The following CSGALNACT1 variants were observed in gnomAD, a reference collection of about 807,000 sequenced individuals.
CSGALNACT1 encodes the protein chondroitin sulfate N-acetylgalactosaminyltransferase 1.
CSGALNACT1 carries 52 observed loss-of-function variants against 51.0 expected under a neutral mutation model. That is an observed-to-expected ratio of 1.02 (90% CI 0.82 to 1.29). CSGALNACT1 has a LOEUF of 1.29. CSGALNACT1 is among the 50% of genes most tolerant of loss of function. CSGALNACT1 has a pLI of 0.00. For missense variants in CSGALNACT1, 935 were observed against 679.2 expected, an observed-to-expected ratio of 1.38 and a Z score of -4.19; for synonymous variants, 341 against 254.4, an observed-to-expected ratio of 1.34 and a Z score of -3.24.
At chr8:19,717,462 T>C (rs746582999) in intron 1 of CSGALNACT1, among the ~76,000 whole-genome samples, 2 of 152,138 alleles carry the variant, frequency 1.3e-5, no homozygotes, top group Non-Finnish European at 2.9e-5. Context: ...AGCAGTGAAT[T>C]CACCACCAAG....
At chr8:19,590,658 T>G (rs2047613807) in intron 3 of CSGALNACT1, among the ~76,000 whole-genome samples, 1 of 140,618 alleles carries the variant, frequency 7.1e-6, no homozygotes, top group South Asian at 2.3e-4. Context: ...TTTTTTTTTT[T>G]TTTTTTTTGG....
intron 1 of CSGALNACT1, among the ~76,000 whole-genome samples, chr8:19,639,351 G>C (rs1370716218): frequency 3.3e-5 from 5 of 152,156 alleles, no homozygotes; most frequent in Non-Finnish European, 7.4e-5. Flanking sequence ...GCTAGCTATT[G>C]TTGTTTTTGG....
chr8:19,524,248 C>G (rs2081253329), intron 3 of CSGALNACT1, among the ~76,000 whole-genome samples: 1 of 152,144 alleles, frequency 6.6e-6, no homozygotes, highest in Non-Finnish European at 1.5e-5. Flanking sequence ...ATCACACCAT[C>G]TCACCCCAGC....
intron 1 of CSGALNACT1, among the ~76,000 whole-genome samples, chr8:19,639,117 C>T (rs1054074553): frequency 6.6e-6 from 1 of 152,114 alleles, no homozygotes; most frequent in Non-Finnish European, 1.5e-5. Context: ...CCTAGCCCCT[C>T]TAAAAGTACA....
At chr8:19,404,417 G>A in exon 10 of CSGALNACT1, 1 of 453,284 alleles carries the variant, frequency 2.2e-6, no homozygotes, top group Non-Finnish European at 4.4e-6. Flanking sequence ...ACCACTCTAT[G>A]TTAACTGTAT....
At chr8:19,666,873 G>C (rs1221565536) in intron 1 of CSGALNACT1, among the ~76,000 whole-genome samples, 1 of 130,908 alleles carries the variant, frequency 7.6e-6, no homozygotes, top group East Asian at 2.1e-4. Flanking sequence ...AAGAAAGAAA[G>C]AAAGAAAGAA....
intron 1 of CSGALNACT1, among the ~76,000 whole-genome samples, chr8:19,647,186 T>G (rs188415789): frequency 1.3e-5 from 2 of 152,200 alleles, no homozygotes; most frequent in South Asian, 2.1e-4. Flanking sequence ...CTTCTCACCC[T>G]GACCAGGTGC....
intron 4 of CSGALNACT1, among the ~76,000 whole-genome samples, chr8:19,472,195 A>C (rs141936340): frequency 1.9e-3 from 288 of 152,350 alleles, no homozygotes; most frequent in Middle Eastern, 3.4e-3. Context: ...GGGAAGTCAC[A>C]GCTGCCATTA....
intron 5 of CSGALNACT1, among the ~76,000 whole-genome samples, chr8:19,442,382 T>C (rs1169365841): frequency 6.6e-6 from 1 of 152,090 alleles, no homozygotes; most frequent in Admixed American, 6.6e-5. Flanking sequence ...TGGAATACTA[T>C]GCAGCCATAA....
At chr8:19,708,985 C>T (rs977513012) in intron 1 of CSGALNACT1, among the ~76,000 whole-genome samples, 4 of 152,180 alleles carry the variant, frequency 2.6e-5, no homozygotes. Context: ...CCCCATTCCA[C>T]AGGAAAGATC....
chr8:19,414,407 G>C (rs1422297102), intron 8 of CSGALNACT1, among the ~76,000 whole-genome samples: 1 of 152,172 alleles, frequency 6.6e-6, no homozygotes, highest in East Asian at 1.9e-4. Context: ...TAAAGTTAAT[G>C]TTTGTTTAAA....
At chr8:19,687,180 A>G (rs2061024350), upstream of CSGALNACT1, among the ~76,000 whole-genome samples, 1 of 152,220 alleles carries the variant, frequency 6.6e-6, no homozygotes, top group Non-Finnish European at 1.5e-5. Context: ...CAGTCAATAC[A>G]TCGAGACCTC....
chr8:19,553,634 TATATAA>T (rs1214866182), intron 3 of CSGALNACT1, among the ~76,000 whole-genome samples: 5 of 141,026 alleles, frequency 3.5e-5, no homozygotes, highest in Non-Finnish European at 6.1e-5. Flanking sequence ...TATATATATA[TATATAA>T]AAAAATATGT....
intron 1 of CSGALNACT1, among the ~76,000 whole-genome samples, chr8:19,634,134 T>A (rs1287107857): frequency 6.6e-6 from 1 of 152,240 alleles, no homozygotes; most frequent in African/African-American, 2.4e-5. Context: ...TAAGTAAACC[T>A]AGGACACTTT....
chr8:19,603,098 C>T (rs546125329), upstream of CSGALNACT1, among the ~76,000 whole-genome samples: 111 of 140,010 alleles, frequency 7.9e-4, no homozygotes, highest in African/African-American at 2.7e-3. Context: ...AGAATTGCTC[C>T]CATTTCACAT....
intron 3 of CSGALNACT1, among the ~76,000 whole-genome samples, chr8:19,530,338 A>G (rs915960864): frequency 2.6e-5 from 4 of 151,516 alleles, no homozygotes; most frequent in South Asian, 4.2e-4. Flanking sequence ...ACACACACAC[A>G]CGCACACAAG....
At chr8:19,568,421 CCCA>C (rs1351224830) in intron 3 of CSGALNACT1, among the ~76,000 whole-genome samples, 1 of 152,030 alleles carries the variant, frequency 6.6e-6, no homozygotes, top group Non-Finnish European at 1.5e-5. Context: ...TCATCATTGA[CCCA>C]GACATCATTA....
At chr8:19,629,775 G>C (rs1233082684) in intron 1 of CSGALNACT1, among the ~76,000 whole-genome samples, 1 of 152,134 alleles carries the variant, frequency 6.6e-6, no homozygotes, top group Non-Finnish European at 1.5e-5. Context: ...CCTTCTTTCA[G>C]GAGCTCCATT....
chr8:19,528,769 G>A (rs939776346), intron 3 of CSGALNACT1, among the ~76,000 whole-genome samples: 6 of 152,094 alleles, frequency 3.9e-5, no homozygotes, highest in South Asian at 2.1e-4. Flanking sequence ...TAAACCCAGC[G>A]TGTCCAACTA....
Sources: gnomAD v4.1 joint callset for allele counts (sites outside exome capture counted in the v4.1 genomes callset) on GRCh38, gnomAD v4.1.1 for gene constraint, MANE v1.5 for transcripts, NCBI Gene and HGNC (gene_info 2026-07-23, HGNC 2026-07-21) for gene names.